Variants in DYNC2I2 observed in about 807,000 individuals in gnomAD.
DYNC2I2 encodes dynein 2 intermediate chain 2, also known as cytoplasmic dynein 2 intermediate chain 2.
DYNC2I2 carries 39 observed loss-of-function variants against 52.0 expected under a neutral mutation model. That is an observed-to-expected ratio of 0.75 (90% CI 0.58 to 0.98). The LOEUF is 0.98. Among genes scored for constraint, DYNC2I2 ranks in the 50% least tolerant of loss-of-function variants. The pLI, the probability that DYNC2I2 is intolerant of heterozygous loss-of-function variation, is 0.00. For synonymous variants in DYNC2I2, 359 were observed against 321.1 expected (o/e 1.12, Z -1.26); for missense variants, 743 against 728.4 (o/e 1.02, Z -0.23).
the DYNC2I2 span, among the ~76,000 whole-genome samples, chr9:128,666,278 A>G: frequency 0.71 from 107,101 of 150,212 alleles, 42,097 homozygotes; most frequent in Non-Finnish European, 0.89. Context: ...TCTATTTGGG[A>G]GGCTGAGGCA....
the DYNC2I2 span, among the ~76,000 whole-genome samples, chr9:128,683,058 G>A: frequency 2.7e-5 from 4 of 149,714 alleles, no homozygotes; most frequent in African/African-American, 7.4e-5. Context: ...GCAGTGGCAC[G>A]ATCTCGGCTC....
intron 2 of DYNC2I2, 71 bp downstream of exon 2, chr9:128,640,620 G>A (rs1860494962): frequency 6.4e-7 from 1 of 1,557,114 alleles, no homozygotes; most frequent in African/African-American, 1.4e-5. Flanking sequence ...TGTTATTTGT[G>A]GGAAGGAAAA....
chr9:128,634,599 T>G, intron 7 of DYNC2I2, 90 bp downstream of exon 7: 1 of 1,380,466 alleles, frequency 7.2e-7, no homozygotes, highest in Non-Finnish European at 9.7e-7. Flanking sequence ...GGCAAGCACT[T>G]GAAGCAGTTT....
At chr9:128,652,444 A>G (rs1308254992) in intron 1 of DYNC2I2, among the ~76,000 whole-genome samples, 2 of 149,308 alleles carry the variant, frequency 1.3e-5, no homozygotes, top group South Asian at 2.1e-4. Flanking sequence ...AAAAAAAAAA[A>G]AAAAAAAGAA....
rs1860547166 is a variant in DYNC2I2, at chr9:128,643,020, T to C, written c.187-2081A>G. Among the ~76,000 whole-genome samples, 2 of 151,784 alleles carry C rather than the reference T, an allele frequency of 1.3e-5. 1 individual carries two copies. The highest frequency in any genetic ancestry group is 4.1e-4 in the South Asian group (2 of 4,826). ...GGGAGATGGCGTTTGAGCTGAGATG[T>C]GAAGGACATGAAGGAGCCGGCCAAG... is the stretch of plus-strand genomic sequence containing the variant. On this transcript the variant is annotated intron_variant, in intron 1 of 8. Coordinates refer to ENST00000372715, the MANE Select transcript of DYNC2I2 (RefSeq NM_052844.4).
upstream of DYNC2I2, among the ~76,000 whole-genome samples, chr9:128,661,264 C>G (rs1001020327): frequency 1.0e-4 from 15 of 146,930 alleles, no homozygotes; most frequent in African/African-American, 3.5e-4. Context: ...ATTGCTACCC[C>G]ACTGCACTCC....
In DYNC2I2 at chr9:128,656,744, CT is replaced by C; in HGVS notation, c.-19del. ...GTTGCCATGGAGACGGTTCCGCCCT[CT>C]CGTGCGGACGCACTCAGGCGCGACC... On this transcript the variant is annotated 5_prime_UTR_variant, in exon 1 of 9. Transcript: ENST00000372715. The C allele has an allele frequency of 7.4e-7, 1 of 1,354,956 alleles. No individual in the cohort carries two copies. Among genetic ancestry groups the C allele is most frequent in the Non-Finnish European group, 9.5e-7 (1 of 1,054,064 alleles). The allele number at this position is 1,354,956 out of a possible 1,614,324, so 83.9% of individuals were successfully genotyped here.
the DYNC2I2 span, among the ~76,000 whole-genome samples, chr9:128,671,347 G>GA: frequency 6.6e-6 from 1 of 150,706 alleles, no homozygotes; most frequent in Non-Finnish European, 1.5e-5. Context: ...TGTCACCCAG[G>GA]CTGCAGTGAA....
At chr9:128,677,241 A>G in the DYNC2I2 span, among the ~76,000 whole-genome samples, 2 of 151,916 alleles carry the variant, frequency 1.3e-5, no homozygotes, top group African/African-American at 2.4e-5. Context: ...AGAAAGAAAA[A>G]AGTTCACAAG....
chr9:128,658,578 C>T (rs1391177992), upstream of DYNC2I2, among the ~76,000 whole-genome samples: 2 of 151,920 alleles, frequency 1.3e-5, no homozygotes, highest in Non-Finnish European at 1.5e-5. Flanking sequence ...TCTCCTGCCT[C>T]AGCCTCTCGA....
At chr9:128,640,551 A>G (rs1443988795) in intron 2 of DYNC2I2, 140 bp downstream of exon 2, 6 of 1,338,034 alleles carry the variant, frequency 4.5e-6, no homozygotes, top group Non-Finnish European at 5.0e-6. Context: ...AACCTAGCGC[A>G]GTACCAGGCA....
the DYNC2I2 span, chr9:128,683,901 C>G: frequency 6.4e-7 from 1 of 1,551,660 alleles, no homozygotes; most frequent in East Asian, 2.4e-5. Context: ...ACAGCATGGC[C>G]CCTAAACGCC....
At chr9:128,661,714 A>G (rs1860921269), upstream of DYNC2I2, among the ~76,000 whole-genome samples, 1 of 151,446 alleles carries the variant, frequency 6.6e-6, no homozygotes, top group South Asian at 2.1e-4. Context: ...CCTAATAACA[A>G]TCACACTTAC....
chr9:128,683,852 G>C, the DYNC2I2 span: 274 of 1,489,846 alleles, frequency 1.8e-4, 1 homozygote, highest in African/African-American at 3.4e-3. Flanking sequence ...GCTTCCGGAC[G>C]GGCGAGGAGA....
At position 128,636,991 on chromosome 9, in the gene DYNC2I2, G is replaced by C. The variant is rs587777097; in HGVS notation, c.472C>G (p.Gln158Glu). Reference sequence around the variant, plus strand: ...CTGGTCACATGCAGACCCTGCGCTTGGGCTGGCGGGTAGCCCAGGGTATAC... The same window carrying C: ...CTGGTCACATGCAGACCCTGCGCTTCGGCTGGCGGGTAGCCCAGGGTATAC... Reference protein sequence around the residue: ...CLYTLGYPPAQAQGLHVTSIS... With the variant: ...CLYTLGYPPAEAQGLHVTSIS... The change falls in exon 3 of 9, where the codon CAA becomes GAA. Residue 158 changes from glutamine to glutamate, a missense_variant. By Grantham distance (29) the Gln-to-Glu change is conservative (BLOSUM62 2). Transcript: ENST00000372715. The C allele has an allele frequency of 1.2e-6, 2 of 1,613,440 alleles. No individual in the cohort carries two copies. Among genetic ancestry groups the C allele is most frequent in the African/African-American group, 1.3e-5 (1 of 75,048 alleles).
At chr9:128,680,361 AATT>A in the DYNC2I2 span, among the ~76,000 whole-genome samples, 202 of 139,746 alleles carry the variant, frequency 1.4e-3, 1 homozygote, top group Middle Eastern at 0.017. Context: ...GTACCTGGTC[AATT>A]ATTATTATTA....
At chr9:128,641,277 A>T (rs1436805207) in intron 1 of DYNC2I2, among the ~76,000 whole-genome samples, 3 of 152,074 alleles carry the variant, frequency 2.0e-5, no homozygotes, top group Non-Finnish European at 4.4e-5. Context: ...GAAGATGCGG[A>T]GGGCAGGCAG....
chr9:128,650,135 C>T (rs77023772), intron 1 of DYNC2I2, among the ~76,000 whole-genome samples: 11,721 of 56,776 alleles, frequency 0.21, 5,251 homozygotes, highest in Non-Finnish European at 0.49. Flanking sequence ...GGTCATACCA[C>T]ATCCAAAGTA....
intron 1 of DYNC2I2, among the ~76,000 whole-genome samples, chr9:128,647,885 G>A (rs1026828506): frequency 6.6e-6 from 1 of 152,048 alleles, no homozygotes; most frequent in South Asian, 2.1e-4. Context: ...TGAGGCCCCA[G>A]GGACGCTCTG....
Sources: allele counts gnomAD v4.1 joint callset (sites outside exome capture counted in the v4.1 genomes callset), GRCh38; gene constraint gnomAD v4.1.1; transcripts MANE v1.5; gene names NCBI Gene and HGNC (gene_info 2026-07-23, HGNC 2026-07-21).